The following SLC35D2 variants were observed in gnomAD, a reference collection of about 807,000 sequenced individuals.
The protein encoded by SLC35D2 is solute carrier family 35 member D2, also known as nucleotide sugar transporter SLC35D2.
SLC35D2 carries 43 observed loss-of-function variants against 41.8 expected under a neutral mutation model. The observed-to-expected ratio is 1.03, with a 90% CI of 0.81 to 1.33. SLC35D2 has a LOEUF of 1.33. Among genes scored for constraint, SLC35D2 ranks in the 40% most tolerant of loss-of-function variants. The pLI, the probability that SLC35D2 is intolerant of heterozygous loss-of-function variation, is 0.00. For synonymous variants in SLC35D2, 150 were observed against 163.9 expected, an observed-to-expected ratio of 0.92 and a Z score of 0.65; for missense variants, 380 against 408.4, an observed-to-expected ratio of 0.93 and a Z score of 0.60.
At chr9:96,379,723 A>G (rs992098561) in intron 1 of SLC35D2, among the ~76,000 whole-genome samples, 4 of 152,148 alleles carry the variant, frequency 2.6e-5, no homozygotes, top group African/African-American at 9.7e-5. Context: ...AAGCATTTTG[A>G]GAGGAAAGAA....
chr9:96,341,154 G>C (rs1166022582), intron 8 of SLC35D2, among the ~76,000 whole-genome samples: 1 of 152,112 alleles, frequency 6.6e-6, no homozygotes, highest in Non-Finnish European at 1.5e-5. Context: ...GGGTGTGGTG[G>C]TGCGCTCCTG....
At chr9:96,350,399 T>C (rs958841947) in intron 6 of SLC35D2, among the ~76,000 whole-genome samples, 1 of 148,036 alleles carries the variant, frequency 6.8e-6, no homozygotes, top group Admixed American at 6.8e-5. Flanking sequence ...TCACAATGTT[T>C]CCCAAGCTTA....
rs1442769623 is a variant in SLC35D2, at chr9:96,320,959, C to T, written c.*283G>A. ...CACAGCACAGAGATGCCACGAAGGC[C>T]CCATAGGTCCCTAGAAGAGCAGCTG... On this transcript the variant is annotated 3_prime_UTR_variant, in exon 12 of 12. Transcript: ENST00000253270. The T allele has an allele frequency of 2.2e-5, 7 of 312,722 alleles. No individual in the cohort carries two copies. The highest frequency in any genetic ancestry group is 4.2e-5 in the Non-Finnish European group (7 of 167,766). The allele number at this position is 312,722 out of a possible 1,614,324, so 19.4% of individuals were successfully genotyped here.
chr9:96,326,697 C>T (rs542937532), intron 9 of SLC35D2, among the ~76,000 whole-genome samples: 118 of 151,102 alleles, frequency 7.8e-4, no homozygotes, highest in African/African-American at 2.7e-3. Context: ...CCCAGCTACT[C>T]GGAGGCGCTG....
intron 1 of SLC35D2, among the ~76,000 whole-genome samples, chr9:96,372,436 C>G (rs1008373130): frequency 1.3e-5 from 2 of 151,816 alleles, no homozygotes; most frequent in African/African-American, 4.8e-5. Context: ...CCATAAAAAA[C>G]ATCTTTGGGA....
chr9:96,381,598 T>C (rs1223188464), intron 1 of SLC35D2, among the ~76,000 whole-genome samples: 1 of 152,192 alleles, frequency 6.6e-6, no homozygotes. Flanking sequence ...GTTTTATTTT[T>C]TCCCCAGCAC....
At chr9:96,381,482 CCCACCTCACTCTGGTCTTGGCTCCAATG>C (rs1308272970) in intron 1 of SLC35D2, among the ~76,000 whole-genome samples, 1 of 152,184 alleles carries the variant, frequency 6.6e-6, no homozygotes, top group African/African-American at 2.4e-5. Context: ...GGCTTATGTC[CCCACCTCACTCTGGTCTTGGCTCCAATG>C]CCACCTCCTT....
intron 10 of SLC35D2, among the ~76,000 whole-genome samples, chr9:96,323,316 G>A (rs543575171): frequency 1.3e-5 from 2 of 152,110 alleles, no homozygotes; most frequent in Admixed American, 1.3e-4. Flanking sequence ...ATTCATTCAT[G>A]TGCATGTGTG....
In SLC35D2 at chr9:96,324,113, G is replaced by A; in HGVS notation, c.809C>T (p.Thr270Ile). The A allele has an allele frequency of 1.2e-6, 2 of 1,613,872 alleles. No homozygotes were observed. The highest frequency in any genetic ancestry group is 1.7e-6 in the Non-Finnish European group (2 of 1,179,870). Residue 270 changes from threonine (T) to isoleucine (I), a missense_variant, in exon 10 of 12, where the codon ACA becomes ATA. Thr to Ile is a moderately conservative substitution (Grantham distance 89). Transcript: ENST00000253270. Reference protein sequence around the residue: ...LCSYYNSALTTAVVGAIKNVS... With the variant: ...LCSYYNSALTIAVVGAIKNVS... ...CACCTTGATGGCTCCAACCACTGCTGTCGTCAGGGCTGAATTGTAATAGCT... is the reference window on the plus strand; with the variant it reads ...CACCTTGATGGCTCCAACCACTGCTATCGTCAGGGCTGAATTGTAATAGCT...
downstream of SLC35D2, among the ~76,000 whole-genome samples, chr9:96,318,035 CA>C (rs10700687): frequency 7.0e-4 from 98 of 140,732 alleles, no homozygotes; most frequent in Non-Finnish European, 9.4e-4. Flanking sequence ...GACGTTGTCT[CA>C]AAAAAAAAAA....
chr9:96,360,640 A>AG (rs995033168), intron 3 of SLC35D2, among the ~76,000 whole-genome samples: 1 of 149,468 alleles, frequency 6.7e-6, no homozygotes, highest in African/African-American at 2.5e-5. Flanking sequence ...AAAAAAAAAA[A>AG]AAAAAAAAAA....
In SLC35D2 at chr9:96,383,586, C is replaced by T. The variant is rs1266108550; in HGVS notation, c.49G>A (p.Gly17Ser). Residue 17 changes from glycine (G) to serine (S), a missense_variant, in exon 1 of 12, where the codon GGC becomes AGC. Coordinates refer to ENST00000253270, the MANE Select transcript of SLC35D2 (RefSeq NM_007001.3). ...AEAEGAGGEP[G>S]AARLPSRVAR... ...ACCCGCGAGGGCAGCCGCGCCGCGC[C>T]GGGCTCCCCGCCAGCGCCCTCGGCC... 6.9e-7 allele frequency: 1 copy of T among 1,448,436 alleles called. No individual in the cohort carries two copies. The allele number at this position is 1,448,436 out of a possible 1,614,324, so 89.7% of individuals were successfully genotyped here. A position where few individuals can be genotyped will look rare whatever the true frequency, so the allele number is the denominator to read the frequency against.
chr9:96,327,618 CTTTT>C (rs1005843747), intron 9 of SLC35D2, among the ~76,000 whole-genome samples: 2 of 151,222 alleles, frequency 1.3e-5, no homozygotes, highest in Non-Finnish European at 2.9e-5. Context: ...TTTTCTTTTT[CTTTT>C]TCTTTTTTTT....
chr9:96,321,300 C>T lies in SLC35D2; in HGVS notation c.956G>A (p.Ser319Asn), dbSNP rs1399203200. 6.2e-7 allele frequency: 1 copy of T among 1,614,022 alleles called. No homozygotes were observed. The highest frequency in any genetic ancestry group is 1.1e-5 in the South Asian group (1 of 91,084). The change falls in exon 12 of 12, where the codon AGC becomes AAC. Residue 319 changes from serine (S) to asparagine (N), a missense_variant. Transcript: ENST00000253270. Reference protein sequence around the residue: ...GLRYSFLTLSSQLKPKPVGEE... With the variant: ...GLRYSFLTLSNQLKPKPVGEE... ...ACCCACAGGTTTAGGTTTTAACTGG[C>T]TGCTCAGTGTTAAAAAGGAATATCT...
In SLC35D2 at chr9:96,322,057, C is replaced by A. The variant is rs1318044967; in HGVS notation, c.855G>T (p.Gly285=). ...AAATGTAGTCTCCACCGATTAATATCCCAATGTAGGCAACGGATACATTCT... is the reference window on the plus strand; with the variant it reads ...AAATGTAGTCTCCACCGATTAATATACCAATGTAGGCAACGGATACATTCT... ...AIKNVSVAYI[G]ILIGGDYIFS... The change falls in exon 11 of 12, where the codon GGG becomes GGT. Residue 285 remains glycine, a synonymous_variant. Coordinates refer to ENST00000253270, the MANE Select transcript of SLC35D2 (RefSeq NM_007001.3). 1.2e-6 allele frequency: 2 copies of A among 1,605,848 alleles called. No homozygotes were observed. Among genetic ancestry groups the A allele is most frequent in the South Asian group, 2.2e-5 (2 of 90,574 alleles).
At chr9:96,340,661 T>A (rs1369455525) in intron 8 of SLC35D2, among the ~76,000 whole-genome samples, 2 of 150,256 alleles carry the variant, frequency 1.3e-5, no homozygotes, top group Admixed American at 6.7e-5. Flanking sequence ...CTAGTCAAAT[T>A]TTTAACTCCA....
At chr9:96,345,165 A>T (rs1829519181) in intron 7 of SLC35D2, 134 bp downstream of exon 7, 1 of 559,612 alleles carries the variant, frequency 1.8e-6, no homozygotes, top group African/African-American at 2.0e-5. Flanking sequence ...AGACAAGATA[A>T]TTGAAAATAA....
chr9:96,366,546 G>T (rs186517268), intron 2 of SLC35D2, among the ~76,000 whole-genome samples: 1 of 122,606 alleles, frequency 8.2e-6, no homozygotes, highest in Non-Finnish European at 1.6e-5. Flanking sequence ...TTTTTGAGAC[G>T]GAGTCTTGCT....
intron 4 of SLC35D2, among the ~76,000 whole-genome samples, chr9:96,353,777 AG>A (rs1312834235): frequency 1.3e-5 from 2 of 152,246 alleles, no homozygotes; most frequent in African/African-American, 2.4e-5. Context: ...TAACACCCAG[AG>A]ATTCCACGAT....
Sources: gnomAD v4.1 joint callset for allele counts (sites outside exome capture counted in the v4.1 genomes callset) on GRCh38, gnomAD v4.1.1 for gene constraint, MANE v1.5 for transcripts, NCBI Gene and HGNC (gene_info 2026-07-23, HGNC 2026-07-21) for gene names.